Variants in CNTN5 observed in about 807,000 individuals in gnomAD.
CNTN5 encodes contactin 5, also known as contactin-5.
In CNTN5, 77 loss-of-function variants were observed where a neutral mutation model predicts 129.1. The ratio of observed to expected loss-of-function variants is 0.60; its 90% CI spans 0.50 to 0.72. The LOEUF (loss-of-function observed/expected upper bound fraction) is 0.72, where lower values mean the gene tolerates loss of function less well. Ranked by LOEUF, CNTN5 falls within the 30% of genes least tolerant of loss-of-function variation. The pLI, the probability that CNTN5 is intolerant of heterozygous loss-of-function variation, is 0.00. For missense variants in CNTN5, 1,478 were observed against 1,328.8 expected (o/e 1.11, Z -1.75); for synonymous variants, 509 against 465.6 (o/e 1.09, Z -1.20).
chr11:99,581,277 G>A (rs1366977299), intron 3 of CNTN5, among the ~76,000 whole-genome samples: 692 of 104,040 alleles, frequency 6.7e-3, no homozygotes, highest in Admixed American at 8.7e-3. Flanking sequence ...TGGAGTAGGT[G>A]TGGTGTGGTG....
intron 18 of CNTN5, among the ~76,000 whole-genome samples, chr11:100,279,803 T>G (rs1259426550): frequency 6.6e-6 from 1 of 151,818 alleles, no homozygotes. Flanking sequence ...ATTTCTGCTC[T>G]GATCTTTATT....
At chr11:99,726,339 T>C (rs1464023193) in intron 3 of CNTN5, among the ~76,000 whole-genome samples, 1 of 152,228 alleles carries the variant, frequency 6.6e-6, no homozygotes, top group Non-Finnish European at 1.5e-5. Context: ...AAAAGCTTTT[T>C]CTGTAATCTA....
rs1016889063 is a variant in CNTN5 at position 100,107,499 on chromosome 11, T to C, written c.1580+33205T>C. On this transcript the variant is annotated intron_variant, in intron 13 of 24. Transcript: ENST00000524871. ...GCAACTATAGTATTCTTTTTTTTTT[T>C]TTTTTTTGAAGTCTAAACATCTCAG... is the stretch of plus-strand genomic sequence containing the variant. Among the ~76,000 whole-genome samples, 167 of 150,954 alleles carry C rather than the reference T, an allele frequency of 1.1e-3. 2 individuals carry two copies. The highest frequency in any genetic ancestry group is 4.0e-3 in the African/African-American group (164 of 41,326).
At chr11:99,523,597 GATAGAATAGAATAGAATAGAATAGA>G (rs541032430) in intron 2 of CNTN5, among the ~76,000 whole-genome samples, 3 of 127,388 alleles carry the variant, frequency 2.4e-5, no homozygotes, top group African/African-American at 5.9e-5. Context: ...CTCAAAGAAA[GATAGAATAGAATAGAATAGAATAGA>G]ATAGAATAGA....
chr11:99,299,613 G>A (rs1005911909), intron 1 of CNTN5, among the ~76,000 whole-genome samples: 5 of 152,100 alleles, frequency 3.3e-5, no homozygotes, highest in Admixed American at 2.6e-4. Context: ...TATGTCCATT[G>A]TTTAGCTTCC....
At chr11:99,923,242 G>C (rs1949979609) in intron 7 of CNTN5, among the ~76,000 whole-genome samples, 1 of 152,014 alleles carries the variant, frequency 6.6e-6, no homozygotes, top group Admixed American at 6.6e-5. Flanking sequence ...ACCTTGTTTG[G>C]ATACTGAGGT....
intron 18 of CNTN5, among the ~76,000 whole-genome samples, chr11:100,291,904 A>T (rs1950988331): frequency 6.6e-6 from 1 of 151,844 alleles, no homozygotes; most frequent in African/African-American, 2.4e-5. Flanking sequence ...AACAACAAAA[A>T]AAAGGTTTTT....
intron 1 of CNTN5, among the ~76,000 whole-genome samples, chr11:99,074,621 G>A (rs1365516402): frequency 6.6e-6 from 1 of 152,128 alleles, no homozygotes. Context: ...ACAGACGTGA[G>A]CCACTGCGCC....
Position 99,613,125 on chromosome 11 carries a change from A to C in CNTN5, c.55+56856A>C, listed in dbSNP as rs1950640793. 2.0e-5 allele frequency among the ~76,000 whole-genome samples: 3 copies of C among 152,314 alleles called. No homozygotes were observed. The South Asian group carries it at 6.2e-4, about 32-fold the overall frequency. ...CATCCATCATTAAAGAAAAAAAGCC[A>C]AAGGAGGATGATATGGTTAGGCTTT... On this transcript the variant is annotated intron_variant, in intron 3 of 24. Coordinates refer to ENST00000524871, the MANE Select transcript of CNTN5 (RefSeq NM_014361.4).
intron 2 of CNTN5, among the ~76,000 whole-genome samples, chr11:99,359,691 A>G (rs577971456): frequency 6.6e-6 from 1 of 152,140 alleles, no homozygotes; most frequent in African/African-American, 2.4e-5. Context: ...TCATCTGAAT[A>G]TCAGCTAAAT....
intron 8 of CNTN5, among the ~76,000 whole-genome samples, chr11:99,959,288 C>T (rs890103237): frequency 6.6e-6 from 1 of 152,128 alleles, no homozygotes; most frequent in African/African-American, 2.4e-5. Flanking sequence ...TAATTTGCTA[C>T]TCTCCCCTAA....
chr11:99,525,629 G>C (rs183262319), intron 2 of CNTN5, among the ~76,000 whole-genome samples: 4 of 152,228 alleles, frequency 2.6e-5, no homozygotes, highest in Non-Finnish European at 5.9e-5. Flanking sequence ...GGTAATAGCT[G>C]CAAGCTACAA....
chr11:100,139,609 A>G (rs1946628337), intron 13 of CNTN5, among the ~76,000 whole-genome samples: 1 of 152,170 alleles, frequency 6.6e-6, no homozygotes, highest in Non-Finnish European at 1.5e-5. Flanking sequence ...CACGCCTGTA[A>G]TCCCATCACT....
At chr11:99,031,325 A>G (rs903702040) in intron 1 of CNTN5, among the ~76,000 whole-genome samples, 1 of 152,180 alleles carries the variant, frequency 6.6e-6, no homozygotes, top group African/African-American at 2.4e-5. Flanking sequence ...TAAATCATAT[A>G]ATATTTTAAG....
At chr11:99,671,836 A>G (rs1461772313) in intron 3 of CNTN5, among the ~76,000 whole-genome samples, 1 of 152,192 alleles carries the variant, frequency 6.6e-6, no homozygotes, top group Non-Finnish European at 1.5e-5. Flanking sequence ...GTTTAGAGGT[A>G]TAATACACCC....
intron 2 of CNTN5, among the ~76,000 whole-genome samples, chr11:99,362,336 T>A (rs1939168555): frequency 6.6e-6 from 1 of 151,952 alleles, no homozygotes; most frequent in South Asian, 2.1e-4. Context: ...GGTTGTTTAT[T>A]TTGTTATTGT....
intron 15 of CNTN5, among the ~76,000 whole-genome samples, chr11:100,211,739 CAGTTTGTT>C (rs1949037586): frequency 6.6e-6 from 1 of 152,106 alleles, no homozygotes; most frequent in South Asian, 2.1e-4. Context: ...AGCTCTAAGT[CAGTTTGTT>C]TGTTTTTTTA....
chr11:100,260,640 C>A (rs1002695558), intron 17 of CNTN5, among the ~76,000 whole-genome samples: 3 of 152,162 alleles, frequency 2.0e-5, no homozygotes, highest in Admixed American at 2.0e-4. Flanking sequence ...GCTGGTTCAA[C>A]ATATGCAGAT....
At chr11:100,322,751 T>C (rs554744934) in intron 21 of CNTN5, among the ~76,000 whole-genome samples, 1 of 152,326 alleles carries the variant, frequency 6.6e-6, no homozygotes, top group South Asian at 2.1e-4. Flanking sequence ...ATACAGGTCT[T>C]GATAGTCTTT....
Sources: gnomAD v4.1 joint callset for allele counts (sites outside exome capture counted in the v4.1 genomes callset) on GRCh38, gnomAD v4.1.1 for gene constraint, MANE v1.5 for transcripts, NCBI Gene and HGNC (gene_info 2026-07-23, HGNC 2026-07-21) for gene names.